The following SEC63 variants were observed in gnomAD, a reference collection of about 807,000 sequenced individuals.
SEC63 encodes SEC63 protein translocation regulator, also known as translocation protein SEC63 homolog.
In SEC63, 56 loss-of-function variants were observed where a neutral mutation model predicts 116.2. The observed-to-expected ratio is 0.48, with a 90% CI of 0.39 to 0.60. The LOEUF (loss-of-function observed/expected upper bound fraction) is 0.60, where lower values mean the gene tolerates loss of function less well. SEC63 is among the 20% of genes least tolerant of loss of function. The pLI is 0.00. For synonymous variants in SEC63, 273 were observed against 294.6 expected, an observed-to-expected ratio of 0.93 and a Z score of 0.75; for missense variants, 668 against 900.0, an observed-to-expected ratio of 0.74 and a Z score of 3.30.
chr6:107,899,628 G>T (rs984188759), intron 13 of SEC63, among the ~76,000 whole-genome samples: 2 of 152,046 alleles, frequency 1.3e-5, no homozygotes, highest in African/African-American at 2.4e-5. Context: ...GCTGAGGCAG[G>T]AGAATCACTT....
At chr6:107,933,418 T>C (rs1186863610) in intron 1 of SEC63, among the ~76,000 whole-genome samples, 2 of 152,168 alleles carry the variant, frequency 1.3e-5, no homozygotes, top group South Asian at 2.1e-4. Context: ...CTCAATCAAG[T>C]GATCGGTGAG....
At chr6:107,937,487 T>C (rs1312383189) in intron 1 of SEC63, among the ~76,000 whole-genome samples, 1 of 152,230 alleles carries the variant, frequency 6.6e-6, no homozygotes, top group Non-Finnish European at 1.5e-5. Flanking sequence ...ATGTCTTTGC[T>C]ATTGTGAGCA....
chr6:107,926,589 A>G (rs1216796745), intron 2 of SEC63, among the ~76,000 whole-genome samples: 2 of 152,182 alleles, frequency 1.3e-5, no homozygotes, highest in Non-Finnish European at 2.9e-5. Context: ...ATTTGGTAAT[A>G]GCCTCAATAT....
intron 14 of SEC63, among the ~76,000 whole-genome samples, chr6:107,895,390 T>C (rs1360568945): frequency 1.3e-5 from 2 of 152,134 alleles, no homozygotes; most frequent in Admixed American, 1.3e-4. Flanking sequence ...AACAACATCT[T>C]TGATTCAATA....
In SEC63 at chr6:107,921,921, CAA is replaced by C. The variant is rs150022935; in HGVS notation, c.340-14_340-13del. 5.5e-5 allele frequency: 5 copies of C among 90,444 alleles called. No homozygotes were observed. Among genetic ancestry groups the C allele is most frequent in the Non-Finnish European group, 8.3e-5 (5 of 59,922 alleles). The allele number at this position is 90,444 out of a possible 1,614,324, so 5.6% of individuals were successfully genotyped here. A position where few individuals can be genotyped will look rare whatever the true frequency, so the allele number is the denominator to read the frequency against. On this transcript the variant is annotated splice_polypyrimidine_tract_variant and intron_variant, in intron 3 of 20. Coordinates refer to ENST00000369002, the MANE Select transcript of SEC63 (RefSeq NM_007214.5). Reference sequence around the variant, plus strand: ...GCTACTGTGGCTCCCTGGGGAAAAACAAAAAAAAAAAACAAGCTTTCTGTTAG... The same window carrying C: ...GCTACTGTGGCTCCCTGGGGAAAAACAAAAAAAAAACAAGCTTTCTGTTAG...
intron 1 of SEC63, among the ~76,000 whole-genome samples, chr6:107,955,512 T>C (rs897106525): frequency 3.3e-5 from 5 of 152,252 alleles, no homozygotes; most frequent in Admixed American, 2.0e-4. Flanking sequence ...TTGAAGTCCA[T>C]GATTTACAAA....
intron 11 of SEC63, among the ~76,000 whole-genome samples, chr6:107,904,299 G>A (rs1163101757): frequency 2.8e-5 from 4 of 141,026 alleles, no homozygotes; most frequent in East Asian, 2.2e-4. Context: ...AATCCCAGCT[G>A]CTCAGGAGGC....
intron 1 of SEC63, among the ~76,000 whole-genome samples, chr6:107,936,311 T>G (rs1002820235): frequency 6.6e-6 from 1 of 152,228 alleles, no homozygotes; most frequent in African/African-American, 2.4e-5. Context: ...AGTTTACACA[T>G]TAACATAGTA....
chr6:107,939,432 A>G (rs1770324995), intron 1 of SEC63, among the ~76,000 whole-genome samples: 1 of 152,196 alleles, frequency 6.6e-6, no homozygotes, highest in Non-Finnish European at 1.5e-5. Flanking sequence ...CTAATTGGCA[A>G]AGGCAGTTTT....
chr6:107,916,530 T>C (rs540638598), intron 4 of SEC63, among the ~76,000 whole-genome samples: 1 of 152,278 alleles, frequency 6.6e-6, no homozygotes, highest in Non-Finnish European at 1.5e-5. Context: ...TAACTTAGTA[T>C]GCTATTGCAA....
At chr6:107,913,038 T>C (rs1377230906) in intron 5 of SEC63, among the ~76,000 whole-genome samples, 2 of 152,206 alleles carry the variant, frequency 1.3e-5, no homozygotes, top group African/African-American at 4.8e-5. Context: ...AATTATTTTA[T>C]ATGTCCTGAG....
intron 16 of SEC63, among the ~76,000 whole-genome samples, chr6:107,886,032 C>A (rs565498835): frequency 6.6e-6 from 1 of 152,252 alleles, no homozygotes; most frequent in Admixed American, 6.5e-5. Context: ...CGACATGCCC[C>A]GGTGTGTGAT....
At chr6:107,915,313 A>G (rs577346306) in intron 4 of SEC63, among the ~76,000 whole-genome samples, 1 of 152,212 alleles carries the variant, frequency 6.6e-6, no homozygotes, top group East Asian at 1.9e-4. Flanking sequence ...AAAAATGCAC[A>G]TTACAAAGAC....
At chr6:107,893,373 A>T in intron 16 of SEC63, 109 bp downstream of exon 16, 1 of 1,041,536 alleles carries the variant, frequency 9.6e-7, no homozygotes, top group Non-Finnish European at 1.5e-6. Context: ...CTAGGGTATC[A>T]CGGGTGCATA....
intron 7 of SEC63, among the ~76,000 whole-genome samples, chr6:107,911,007 G>A (rs566205908): frequency 1.6e-4 from 25 of 152,148 alleles, no homozygotes; most frequent in Non-Finnish European, 2.4e-4. Context: ...CACCATGCCC[G>A]GTCAGTTGTG....
intron 1 of SEC63, among the ~76,000 whole-genome samples, chr6:107,949,631 C>T (rs1057493750): frequency 3.3e-5 from 5 of 152,012 alleles, no homozygotes; most frequent in Non-Finnish European, 7.4e-5. Flanking sequence ...AGAGGTCCTT[C>T]TTTTTACTTT....
At chr6:107,923,096 G>A (rs566330638) in intron 3 of SEC63, among the ~76,000 whole-genome samples, 19 of 152,132 alleles carry the variant, frequency 1.2e-4, no homozygotes, top group African/African-American at 4.3e-4. Flanking sequence ...TTTATAAAAG[G>A]CTAGATGATC....
intron 12 of SEC63, 124 bp from the exon 13 acceptor site, chr6:107,901,641 T>C (rs1787007138): frequency 3.0e-6 from 2 of 661,164 alleles, no homozygotes; most frequent in South Asian, 4.2e-5. Flanking sequence ...TTGATTAATG[T>C]GCATTTCAAA....
At chr6:107,948,159 T>C (rs1230514480) in intron 1 of SEC63, among the ~76,000 whole-genome samples, 1 of 152,074 alleles carries the variant, frequency 6.6e-6, no homozygotes, top group African/African-American at 2.4e-5. Context: ...AATCCCAAAA[T>C]ATAATTATTT....
Sources: gnomAD v4.1 joint callset for allele counts (sites outside exome capture counted in the v4.1 genomes callset) on GRCh38, gnomAD v4.1.1 for gene constraint, MANE v1.5 for transcripts, NCBI Gene and HGNC (gene_info 2026-07-23, HGNC 2026-07-21) for gene names.